ADGB: variants seen among roughly 807,000 people sequenced by gnomAD.
The protein encoded by ADGB is calpain-7-like protein.
ADGB carries 172 observed loss-of-function variants against 210.5 expected under a neutral mutation model. The observed-to-expected ratio is 0.82, with a 90% confidence interval of 0.72 to 0.93. The LOEUF (loss-of-function observed/expected upper bound fraction) is 0.93. Among genes scored for constraint, ADGB ranks in the 40% least tolerant of loss-of-function variants. The probability of loss-of-function intolerance (pLI) is 0.00; values close to 1 mark genes in which losing one functional copy is unlikely to be tolerated. For missense variants in ADGB, 2,025 were observed against 1,964.8 expected, an observed-to-expected ratio of 1.03 and a Z score of -0.58; for synonymous variants, 658 against 662.7, an observed-to-expected ratio of 0.99 and a Z score of 0.11.
At chr6:146,676,681 G>A (rs1194107982) in intron 9 of ADGB, among the ~76,000 whole-genome samples, 1 of 152,120 alleles carries the variant, frequency 6.6e-6, no homozygotes, top group Non-Finnish European at 1.5e-5. Flanking sequence ...ATGTGGGAGA[G>A]GCTTCTGCTG....
intron 1 of ADGB, among the ~76,000 whole-genome samples, chr6:146,599,931 G>T (rs1329694720): frequency 6.6e-6 from 1 of 152,150 alleles, no homozygotes; most frequent in African/African-American, 2.4e-5. Flanking sequence ...CTGATGGGGA[G>T]GGCGATGCAA....
rs1776351309 is a variant in ADGB, at chr6:146,692,903, T to C, written c.1565T>C (p.Ile522Thr). ...AATTATAGAATGACTCCATTTACAA[T>C]TCCAACAGAAATGTAAGTATTAACA... The part of the protein sequence containing the change: ...FLNYRMTPFT[I>T]PTEMHFVRSL... The change falls in exon 12 of 36, where the codon ATT (isoleucine) becomes ACT (threonine). Residue 522 changes from isoleucine (I) to threonine (T), a missense_variant. Transcript: ENST00000397944. 1 of 1,511,054 alleles carries C rather than the reference T, an allele frequency of 6.6e-7. No individual in the cohort carries two copies. The highest frequency in any genetic ancestry group is 2.0e-5 in the Admixed American group (1 of 49,292). 93.6% of individuals were successfully genotyped at this position (1,511,054 alleles called of 1,614,324 possible).
intron 32 of ADGB, among the ~76,000 whole-genome samples, chr6:146,786,184 T>C (rs1382690409): frequency 6.8e-6 from 1 of 147,706 alleles, no homozygotes; most frequent in African/African-American, 2.5e-5. Flanking sequence ...TATATTTAAG[T>C]ATATATTATA....
chr6:146,629,418 T>C (rs925841497), intron 1 of ADGB, among the ~76,000 whole-genome samples: 2 of 152,184 alleles, frequency 1.3e-5, no homozygotes, highest in Non-Finnish European at 2.9e-5. Context: ...AGAGTCTTTT[T>C]AAGTAATCTT....
At chr6:146,684,223 T>C (rs958393915) in intron 9 of ADGB, among the ~76,000 whole-genome samples, 22 of 152,102 alleles carry the variant, frequency 1.4e-4, no homozygotes, top group Non-Finnish European at 7.4e-5. Context: ...ACCTGGAAAG[T>C]ACATTTAATC....
chr6:146,768,447 A>G (rs948743640), intron 28 of ADGB, among the ~76,000 whole-genome samples: 5 of 152,202 alleles, frequency 3.3e-5, no homozygotes, highest in African/African-American at 1.2e-4. Flanking sequence ...TGAAAATTTC[A>G]TATAGAATAG....
chr6:146,699,179 A>T (rs1352069070), intron 12 of ADGB, among the ~76,000 whole-genome samples: 1 of 152,164 alleles, frequency 6.6e-6, no homozygotes, highest in Non-Finnish European at 1.5e-5. Flanking sequence ...GGTTCATTAA[A>T]GGAATTGGCT....
At chr6:146,622,844 G>GT (rs1173970644) in intron 1 of ADGB, among the ~76,000 whole-genome samples, 2 of 151,946 alleles carry the variant, frequency 1.3e-5, no homozygotes, top group East Asian at 3.9e-4. Context: ...GTTTTATAGT[G>GT]TAAGTTTTAC....
intron 32 of ADGB, among the ~76,000 whole-genome samples, chr6:146,786,960 G>C (rs75627765): frequency 0.021 from 3,165 of 152,218 alleles, 52 homozygotes; most frequent in Middle Eastern, 0.058. Context: ...GGAACAAGTG[G>C]GGAATTAAAA....
chr6:146,784,285 T>C (rs1777841344), intron 30 of ADGB, among the ~76,000 whole-genome samples: 2 of 152,202 alleles, frequency 1.3e-5, no homozygotes, highest in Admixed American at 6.6e-5. Flanking sequence ...CAAGACGATG[T>C]ACCCTTTTGT....
chr6:146,707,713 G>C (rs562261469), intron 13 of ADGB, among the ~76,000 whole-genome samples: 209 of 151,926 alleles, frequency 1.4e-3, no homozygotes, highest in African/African-American at 4.8e-3. Context: ...TTTATTTTCA[G>C]TCTATATGTG....
rs544777582 is a variant in ADGB, at chr6:146,635,486, T to G, written c.186T>G (p.Asp62Glu). The change falls in exon 2 of 36, where the codon GAT (aspartate) becomes GAG (glutamate). Residue 62 changes from aspartate (D) to glutamate (E), a missense_variant. Asp to Glu is a conservative substitution (Grantham distance 45). Transcript: ENST00000397944. ...CTGACATAAATTCAGAAAAGTGGGA[T>G]GCAGGCAAAGGTGCAAAAGAAAAGG... ...SEADINSEKWDAGKGAKEKDK... is the reference protein window; with the variant it reads ...SEADINSEKWEAGKGAKEKDK... The G allele has an allele frequency of 3.9e-6, 6 of 1,548,752 alleles. No individual in the cohort carries two copies. The South Asian group carries it at 6.0e-5, about 15-fold the overall frequency.
At chr6:146,691,032 C>A in intron 10 of ADGB, 84 bp from the exon 11 acceptor site, 1 of 1,153,706 alleles carries the variant, frequency 8.7e-7, no homozygotes, top group African/African-American at 1.6e-5. Flanking sequence ...CCATATTGCT[C>A]TGTTCGTGAT....
At chr6:146,678,084 G>A (rs1436474298) in intron 9 of ADGB, among the ~76,000 whole-genome samples, 1 of 152,038 alleles carries the variant, frequency 6.6e-6, no homozygotes, top group African/African-American at 2.4e-5. Flanking sequence ...CATTTCTGAT[G>A]GTGTTATAAT....
rs1349105433 is a variant in ADGB at position 146,788,391 on chromosome 6, G to C, written c.4318G>C (p.Glu1440Gln). The C allele has an allele frequency of 6.4e-7, 1 of 1,551,426 alleles. No homozygotes were observed. The highest frequency in any genetic ancestry group is 1.2e-5 in the South Asian group (1 of 84,052). ...ESQTKPKEEV[E>Q]TAARGVKEPN... ...GTAATGCACATGTCATGTTGTAGTA[G>C]AAACAGCTGCACGTGGCGTAAAAGA... is the stretch of plus-strand genomic sequence containing the variant. Residue 1440 changes from glutamate (E) to glutamine (Q), a missense_variant and splice_region_variant, in exon 33 of 36, where the codon GAA becomes CAA. Physicochemically the swap from Glu to Gln is conservative, Grantham distance 29 (BLOSUM62 2). Coordinates refer to ENST00000397944, the MANE Select transcript of ADGB (RefSeq NM_024694.4).
intron 13 of ADGB, among the ~76,000 whole-genome samples, chr6:146,705,629 A>G (rs1174758318): frequency 1.3e-5 from 2 of 152,188 alleles, no homozygotes; most frequent in African/African-American, 2.4e-5. Flanking sequence ...GAAAACTCCC[A>G]CTTAATCATG....
intron 16 of ADGB, among the ~76,000 whole-genome samples, chr6:146,720,794 C>T (rs375004667): frequency 6.6e-6 from 1 of 152,088 alleles, no homozygotes; most frequent in Non-Finnish European, 1.5e-5. Flanking sequence ...AGAACTCCAT[C>T]GCTAGAAAAG....
intron 10 of ADGB, among the ~76,000 whole-genome samples, chr6:146,686,035 G>A (rs573222968): frequency 2.6e-5 from 4 of 151,832 alleles, no homozygotes; most frequent in African/African-American, 9.7e-5. Flanking sequence ...CAATAGCTCT[G>A]GCTAATTATA....
chr6:146,656,493 A>G (rs1295000856), intron 4 of ADGB, among the ~76,000 whole-genome samples: 1 of 152,188 alleles, frequency 6.6e-6, no homozygotes, highest in Non-Finnish European at 1.5e-5. Context: ...GTCAAATAGA[A>G]GTCGTGCCAA....
Sources: gnomAD v4.1 joint callset for allele counts (sites outside exome capture counted in the v4.1 genomes callset) on GRCh38, gnomAD v4.1.1 for gene constraint, MANE v1.5 for transcripts, NCBI Gene and HGNC (gene_info 2026-07-23, HGNC 2026-07-21) for gene names.